PRDM4: variants seen among roughly 807,000 people sequenced by gnomAD.
The protein encoded by PRDM4 is PR/SET domain 4.
PRDM4 carries 38 observed loss-of-function variants against 62.3 expected under a neutral mutation model. That is an observed-to-expected ratio of 0.61 (90% CI 0.47 to 0.80). The LOEUF (loss-of-function observed/expected upper bound fraction) is 0.80, where lower values mean the gene tolerates loss of function less well. PRDM4 is among the 30% of genes least tolerant of loss of function. The pLI is 0.00. For missense variants in PRDM4, 858 were observed against 997.1 expected, an observed-to-expected ratio of 0.86 and a Z score of 1.88; for synonymous variants, 339 against 348.2, an observed-to-expected ratio of 0.97 and a Z score of 0.30.
chr12:107,749,709 C>T (rs1484876314), intron 5 of PRDM4, among the ~76,000 whole-genome samples: 2 of 152,118 alleles, frequency 1.3e-5, no homozygotes, highest in Non-Finnish European at 2.9e-5. Flanking sequence ...AGAATCATCA[C>T]CTTTCCCATA....
chr12:107,734,285 G>GTCTTCC lies in PRDM4; in HGVS notation c.2330_2331insGGAAGA (p.Ala776_Asp777insGluGlu). On this transcript the variant is annotated inframe_insertion, in exon 12 of 12. Transcript: ENST00000228437. ...TCCTACAGTCTTCTGTCCCCACAGA[G>GTCTTCC]TCTGCTAGATCTTCCTCTTCTGAGT... is the stretch of plus-strand genomic sequence containing the variant. 6.2e-7 allele frequency: 1 copy of GTCTTCC among 1,614,184 alleles called. No homozygotes were observed. The highest frequency in any genetic ancestry group is 1.1e-5 in the South Asian group (1 of 91,080).
intron 5 of PRDM4, among the ~76,000 whole-genome samples, chr12:107,748,054 T>C (rs1890771422): frequency 6.6e-6 from 1 of 151,998 alleles, no homozygotes; most frequent in Non-Finnish European, 1.5e-5. Flanking sequence ...TGGCGAGCAC[T>C]TGTAGTCCCA....
chr12:107,742,343 C>T lies in PRDM4; in HGVS notation c.1487G>A (p.Arg496Gln), dbSNP rs774403209. The change falls in exon 9 of 12, where the codon CGG becomes CAG. Residue 496 changes from arginine to glutamine, a missense_variant. Coordinates refer to ENST00000228437, the MANE Select transcript of PRDM4 (RefSeq NM_012406.4). ...ATAAGCCACCAAATTCTGCTCTTCCCGGTTCCTGAGTTATCACATTTAATA... is the reference window on the plus strand; with the variant it reads ...ATAAGCCACCAAATTCTGCTCTTCCTGGTTCCTGAGTTATCACATTTAATA... ...WMMFVRKARNREEQNLVAYPH... is the reference protein window; with the variant it reads ...WMMFVRKARNQEEQNLVAYPH... The T allele has an allele frequency of 3.7e-6, 6 of 1,613,570 alleles. No homozygotes were observed. Among genetic ancestry groups the T allele is most frequent in the East Asian group, 2.2e-5 (1 of 44,828 alleles).
At chr12:107,752,877 T>G (rs1225611650) in intron 4 of PRDM4, among the ~76,000 whole-genome samples, 1 of 152,192 alleles carries the variant, frequency 6.6e-6, no homozygotes, top group East Asian at 1.9e-4. Flanking sequence ...ATAAGAGCAT[T>G]AGTTACAATG....
At chr12:107,752,909 A>G (rs1269520082) in intron 4 of PRDM4, among the ~76,000 whole-genome samples, 3 of 152,244 alleles carry the variant, frequency 2.0e-5, no homozygotes, top group Non-Finnish European at 4.4e-5. Context: ...TGGAAAAACC[A>G]AACTGTCCAA....
At chr12:107,759,956 C>T (rs1891182658) in intron 2 of PRDM4, 1 of 152,210 alleles carries the variant, frequency 6.6e-6, no homozygotes, top group African/African-American at 2.4e-5. Flanking sequence ...ATATAATAAA[C>T]TAACTGAAAT....
intron 11 of PRDM4, chr12:107,737,907 A>T (rs1398939825): frequency 6.6e-6 from 1 of 152,196 alleles, no homozygotes; most frequent in Non-Finnish European, 1.5e-5. Context: ...GAGCCTTTGG[A>T]AGGCAATTAG....
Position 107,742,269 on chromosome 12 carries a change from C to T in PRDM4, c.1561G>A (p.Glu521Lys). ...CTATAATAAAAAAGCAGTTCATTTT[C>T]AGGAGGGATATCTTGTGAGGTGCAG... The part of the protein sequence containing the change: ...FFCTSQDIPP[E>K]NELLFYYSRD... The change falls in exon 9 of 12, where the codon GAA (glutamate) becomes AAA (lysine). Residue 521 changes from glutamate (E) to lysine (K), a missense_variant. By Grantham distance (56) the Glu-to-Lys change is moderately conservative. Coordinates refer to ENST00000228437, the MANE Select transcript of PRDM4 (RefSeq NM_012406.4). 1.2e-6 allele frequency: 2 copies of T among 1,613,412 alleles called. No homozygotes were observed. Among genetic ancestry groups the T allele is most frequent in the Non-Finnish European group, 1.7e-6 (2 of 1,179,488 alleles).
chr12:107,740,050 C>CT (rs1315756374), intron 10 of PRDM4, among the ~76,000 whole-genome samples: 1 of 152,124 alleles, frequency 6.6e-6, no homozygotes, highest in Admixed American at 6.5e-5. Context: ...CAAACCTTCT[C>CT]TTAAAGGATA....
At position 107,760,554 on chromosome 12, in the gene PRDM4, T is replaced by C; in HGVS notation, c.-39A>G. The C allele has an allele frequency of 6.2e-7, 1 of 1,611,120 alleles. No individual in the cohort carries two copies. The highest frequency in any genetic ancestry group is 8.5e-7 in the Non-Finnish European group (1 of 1,178,742). On this transcript the variant is annotated 5_prime_UTR_variant, in exon 2 of 12. Coordinates refer to ENST00000228437, the MANE Select transcript of PRDM4 (RefSeq NM_012406.4). ...AATATCAGAGAAAGGAGCGCTCGGGTGGTGGGGAACAGGCATCAGGGTTTG... is the reference window on the plus strand; with the variant it reads ...AATATCAGAGAAAGGAGCGCTCGGGCGGTGGGGAACAGGCATCAGGGTTTG...
rs3070881 is a variant in PRDM4 at position 107,758,238 on chromosome 12, C to CTTTTTTTTTT, written c.12-1283_12-1274dup. 177 of 101,888 alleles carry CTTTTTTTTTT rather than the reference C, an allele frequency of 1.7e-3. 1 individual carries two copies. The highest frequency in any genetic ancestry group is 3.7e-3 in the East Asian group (12 of 3,216). 6.3% of individuals were successfully genotyped at this position (101,888 alleles called of 1,614,324 possible). ...ATATGTAACTATCTCTCTTAATCTT[C>CTTTTTTTTTT]TTTTTTTTTTTTTTTTTTTTTTTGT... is the stretch of plus-strand genomic sequence containing the variant. On this transcript the variant is annotated intron_variant, in intron 2 of 11. Coordinates refer to ENST00000228437, the MANE Select transcript of PRDM4 (RefSeq NM_012406.4).
intron 3 of PRDM4, among the ~76,000 whole-genome samples, chr12:107,755,286 T>TG (rs1337340140): frequency 1.3e-5 from 2 of 151,854 alleles, no homozygotes; most frequent in African/African-American, 4.8e-5. Flanking sequence ...TTTGTAGAGA[T>TG]GGGGTCTCCT....
chr12:107,752,374 G>A lies in PRDM4; in HGVS notation c.332-165C>T, dbSNP rs1443173917. Among the ~76,000 whole-genome samples, 8 of 152,064 alleles carry A rather than the reference G, an allele frequency of 5.3e-5. No homozygotes were observed. In the South Asian group the frequency reaches 6.2e-4, roughly 12 times the overall value. On this transcript the variant is annotated intron_variant, in intron 4 of 11. Coordinates refer to ENST00000228437, the MANE Select transcript of PRDM4 (RefSeq NM_012406.4). ...TTATAAATAGCAACATACATATACC[G>A]TAATTGAGTTTTTCCTGTAAAACTC... is the stretch of plus-strand genomic sequence containing the variant.
At chr12:107,743,610 ATGAC>A (rs1890588535) in intron 7 of PRDM4, among the ~76,000 whole-genome samples, 1 of 152,202 alleles carries the variant, frequency 6.6e-6, no homozygotes, top group Admixed American at 6.5e-5. Context: ...TAGGCACTGA[ATGAC>A]TGAATGTCCA....
intron 4 of PRDM4, among the ~76,000 whole-genome samples, chr12:107,753,289 C>CA (rs754483896): frequency 2.6e-5 from 4 of 151,126 alleles, no homozygotes; most frequent in Non-Finnish European, 4.4e-5. Context: ...CCAAGCTACT[C>CA]AAGAGTCTGA....
chr12:107,744,439 G>T, intron 7 of PRDM4, 104 bp downstream of exon 7: 1 of 1,272,684 alleles, frequency 7.9e-7, no homozygotes, highest in Non-Finnish European at 1.1e-6. Flanking sequence ...CCAGTGAATG[G>T]CACTGTATCA....
At chr12:107,746,450 C>CA in intron 5 of PRDM4, 26 bp from the exon 6 acceptor site, 1 of 1,525,216 alleles carries the variant, frequency 6.6e-7, no homozygotes, top group Non-Finnish European at 8.8e-7. Flanking sequence ...TTGAGCAATA[C>CA]AAATGGGTTT....
At chr12:107,744,793 C>G (rs1461167534) in intron 6 of PRDM4, 132 bp from the exon 7 acceptor site, 1 of 1,260,310 alleles carries the variant, frequency 7.9e-7, no homozygotes, top group Non-Finnish European at 1.1e-6. Flanking sequence ...GGCGTGGTGG[C>G]TCACGCCTGT....
intron 2 of PRDM4, among the ~76,000 whole-genome samples, chr12:107,759,375 C>T (rs1891157438): frequency 6.6e-6 from 1 of 152,180 alleles, no homozygotes; most frequent in Admixed American, 6.5e-5. Flanking sequence ...ATAGCTACAA[C>T]CATAATTAAA....
Sources: gnomAD v4.1 joint callset for allele counts (sites outside exome capture counted in the v4.1 genomes callset) on GRCh38, gnomAD v4.1.1 for gene constraint, MANE v1.5 for transcripts, NCBI Gene and HGNC (gene_info 2026-07-23, HGNC 2026-07-21) for gene names.